The following CFAP58 variants were observed in gnomAD, a reference collection of about 807,000 sequenced individuals.
CFAP58 encodes cilia- and flagella-associated protein 58.
CFAP58 carries 88 observed loss-of-function variants against 119.5 expected under a neutral mutation model. The observed-to-expected ratio is 0.74, with a 90% CI of 0.62 to 0.88. The LOEUF (loss-of-function observed/expected upper bound fraction) is 0.88. Ranked by LOEUF, CFAP58 falls within the 40% of genes least tolerant of loss-of-function variation. The pLI is 0.00. For synonymous variants in CFAP58, 365 were observed against 366.3 expected (o/e 1.00, Z 0.04); for missense variants, 990 against 1,021.2 (o/e 0.97, Z 0.42).
intron 15 of CFAP58, among the ~76,000 whole-genome samples, chr10:104,438,369 T>G (rs1316468852): frequency 3.1e-5 from 4 of 127,974 alleles, no homozygotes; most frequent in African/African-American, 1.1e-4. Flanking sequence ...TTGTTTTTTT[T>G]TTTTGTTTTT....
At chr10:104,425,170 T>C (rs1041489990) in intron 15 of CFAP58, among the ~76,000 whole-genome samples, 1 of 151,916 alleles carries the variant, frequency 6.6e-6, no homozygotes, top group Non-Finnish European at 1.5e-5. Context: ...CATATGATGG[T>C]GGTGGTGTTG....
At chr10:104,406,620 T>C in intron 14 of CFAP58, 69 bp from the exon 15 acceptor site, 3 of 1,245,580 alleles carry the variant, frequency 2.4e-6, no homozygotes, top group Non-Finnish European at 3.5e-6. Context: ...CAATGTGCAT[T>C]TTACATAGAG....
intron 1 of CFAP58, among the ~76,000 whole-genome samples, chr10:104,358,002 T>C (rs150522818): frequency 0.01 from 1,375 of 133,180 alleles, 72 homozygotes; most frequent in African/African-American, 0.037. Flanking sequence ...TATGTACACA[T>C]ATATACACAT....
chr10:104,444,366 G>A (rs2013081978), intron 15 of CFAP58, among the ~76,000 whole-genome samples: 1 of 152,208 alleles, frequency 6.6e-6, no homozygotes, highest in Non-Finnish European at 1.5e-5. Context: ...AAGGCAGCTG[G>A]TTCTGCCACT....
At chr10:104,347,439 G>A in the CFAP58 span, among the ~76,000 whole-genome samples, 2 of 152,216 alleles carry the variant, frequency 1.3e-5, no homozygotes, top group South Asian at 4.1e-4. Context: ...AGCCAGTGGG[G>A]ACTCTGCTCT....
intron 8 of CFAP58, among the ~76,000 whole-genome samples, chr10:104,379,478 T>C (rs1180511615): frequency 6.6e-6 from 1 of 152,266 alleles, no homozygotes; most frequent in African/African-American, 2.4e-5. Context: ...TGAATACTCA[T>C]GTACAAGTTT....
chr10:104,354,291 A>C (rs2014510404), intron 1 of CFAP58, among the ~76,000 whole-genome samples: 3 of 152,128 alleles, frequency 2.0e-5, no homozygotes, highest in Non-Finnish European at 4.4e-5. Flanking sequence ...AGAAAGCTTC[A>C]CAGATGCCTG....
At chr10:104,342,453 A>AT in the CFAP58 span, among the ~76,000 whole-genome samples, 10 of 152,058 alleles carry the variant, frequency 6.6e-5, no homozygotes, top group Non-Finnish European at 1.5e-4. Flanking sequence ...TGGCTTGTTT[A>AT]TGTGTATACA....
intron 11 of CFAP58, among the ~76,000 whole-genome samples, chr10:104,394,218 A>G (rs1564890321): frequency 6.6e-6 from 1 of 152,240 alleles, no homozygotes; most frequent in Non-Finnish European, 1.5e-5. Flanking sequence ...CACTAAACCT[A>G]ATGTATTTTT....
At chr10:104,374,846 CAAAAAA>C (rs56074829) in intron 7 of CFAP58, among the ~76,000 whole-genome samples, 1 of 101,518 alleles carries the variant, frequency 9.9e-6, no homozygotes, top group African/African-American at 3.8e-5. Context: ...CTTATAACTG[CAAAAAA>C]AAAAAAAAAG....
chr10:104,367,754 A>G (rs141980175), intron 5 of CFAP58, among the ~76,000 whole-genome samples: 64 of 152,292 alleles, frequency 4.2e-4, no homozygotes, highest in Non-Finnish European at 7.8e-4. Context: ...TTCATTTGCT[A>G]TCCCTCCACC....
chr10:104,365,309 A>G (rs2014727037), intron 4 of CFAP58, among the ~76,000 whole-genome samples: 1 of 152,188 alleles, frequency 6.6e-6, no homozygotes, highest in Non-Finnish European at 1.5e-5. Context: ...TAGGTCATAC[A>G]CAATGTGCAG....
chr10:104,421,797 A>T (rs577472881), intron 15 of CFAP58, among the ~76,000 whole-genome samples: 1 of 152,378 alleles, frequency 6.6e-6, no homozygotes, highest in South Asian at 2.1e-4. Context: ...ATAAGATTTC[A>T]GTGTAAATTA....
intron 15 of CFAP58, among the ~76,000 whole-genome samples, chr10:104,433,430 G>A (rs2012882083): frequency 6.6e-6 from 1 of 152,178 alleles, no homozygotes; most frequent in African/African-American, 2.4e-5. Flanking sequence ...TGATCGTCAG[G>A]GTCTTGAAGG....
intron 15 of CFAP58, among the ~76,000 whole-genome samples, chr10:104,417,748 C>T (rs1402074435): frequency 1.3e-5 from 2 of 152,210 alleles, no homozygotes; most frequent in Admixed American, 1.3e-4. Flanking sequence ...TGCTGAGCAT[C>T]TGCTTTCACT....
At chr10:104,362,713 G>A (rs957870844) in intron 3 of CFAP58, among the ~76,000 whole-genome samples, 3 of 152,180 alleles carry the variant, frequency 2.0e-5, no homozygotes, top group Admixed American at 6.5e-5. Context: ...TTTGGCAGTA[G>A]CGTCCTAACT....
At chr10:104,426,161 G>C (rs557172752) in intron 15 of CFAP58, among the ~76,000 whole-genome samples, 4 of 152,166 alleles carry the variant, frequency 2.6e-5, no homozygotes, top group Non-Finnish European at 4.4e-5. Flanking sequence ...GATCACCCTT[G>C]ACCAGAGGTC....
At chr10:104,388,639 C>G (rs1049176949) in intron 9 of CFAP58, among the ~76,000 whole-genome samples, 1 of 152,158 alleles carries the variant, frequency 6.6e-6, no homozygotes, top group African/African-American at 2.4e-5. Context: ...GTCAGAAAAA[C>G]TTATTGGAGA....
At chr10:104,338,581 C>T in the CFAP58 span, among the ~76,000 whole-genome samples, 2 of 150,928 alleles carry the variant, frequency 1.3e-5, no homozygotes, top group African/African-American at 4.9e-5. Flanking sequence ...CCAGGATCCG[C>T]CGGGAAGACC....
Sources: gnomAD v4.1 joint callset for allele counts (sites outside exome capture counted in the v4.1 genomes callset) on GRCh38, gnomAD v4.1.1 for gene constraint, MANE v1.5 for transcripts, NCBI Gene and HGNC (gene_info 2026-07-23, HGNC 2026-07-21) for gene names.